Variants in CPNE4 observed in about 807,000 individuals in gnomAD.
The protein encoded by CPNE4 is copine 4, also known as copine-4.
In CPNE4, 25 loss-of-function variants were observed where a neutral mutation model predicts 67.9. The ratio of observed to expected loss-of-function variants is 0.37; its 90% CI spans 0.27 to 0.51. CPNE4 has a LOEUF of 0.51. CPNE4 is among the 20% of genes least tolerant of loss of function. The pLI is 0.93. For synonymous variants in CPNE4, 242 were observed against 244.9 expected (o/e 0.99, Z 0.11); for missense variants, 464 against 690.8 (o/e 0.67, Z 3.68).
At chr3:131,812,378 CAAAT>C (rs202083329) in intron 2 of CPNE4, among the ~76,000 whole-genome samples, 2,782 of 152,154 alleles carry the variant, frequency 0.018, 44 homozygotes, top group Non-Finnish European at 0.024. Context: ...AAGTCAAAGA[CAAAT>C]ATTTAGCACA....
At chr3:131,597,964 A>C (rs1938990093) in intron 7 of CPNE4, among the ~76,000 whole-genome samples, 1 of 152,206 alleles carries the variant, frequency 6.6e-6, no homozygotes, top group Non-Finnish European at 1.5e-5. Flanking sequence ...AGTCTATGAC[A>C]ATTCTCTGAG....
At chr3:131,791,366 A>G (rs1005817599) in intron 2 of CPNE4, among the ~76,000 whole-genome samples, 1 of 152,204 alleles carries the variant, frequency 6.6e-6, no homozygotes, top group Non-Finnish European at 1.5e-5. Context: ...TAGTCATCCA[A>G]CAACTGACAA....
At chr3:131,706,070 G>C (rs2107712960) in intron 3 of CPNE4, among the ~76,000 whole-genome samples, 1 of 152,236 alleles carries the variant, frequency 6.6e-6, no homozygotes, top group East Asian at 1.9e-4. Context: ...CATTTTGTCG[G>C]GTCAAGGGCA....
At chr3:131,547,823 G>T (rs1935956312) in intron 14 of CPNE4, among the ~76,000 whole-genome samples, 1 of 152,128 alleles carries the variant, frequency 6.6e-6, no homozygotes, top group South Asian at 2.1e-4. Flanking sequence ...GAGAGAACAT[G>T]CCCCACAGAT....
chr3:131,885,929 A>C (rs1378076684), intron 2 of CPNE4, among the ~76,000 whole-genome samples: 1 of 152,236 alleles, frequency 6.6e-6, no homozygotes, highest in East Asian at 1.9e-4. Context: ...AGTTTGAAAA[A>C]TTTGCAACCT....
chr3:131,838,604 C>T (rs1242297851), intron 2 of CPNE4, among the ~76,000 whole-genome samples: 3 of 82,134 alleles, frequency 3.7e-5, no homozygotes, highest in Admixed American at 1.6e-4. Flanking sequence ...TTAAAGTATT[C>T]CTTAAAGGCT....
chr3:131,613,208 T>C (rs768922843), intron 7 of CPNE4, among the ~76,000 whole-genome samples: 10 of 152,340 alleles, frequency 6.6e-5, no homozygotes, highest in Middle Eastern at 3.4e-3. Flanking sequence ...TAGTTGAGCT[T>C]CTTTTTCTTA....
At chr3:131,622,018 CAAAAAAA>C (rs34415771) in intron 7 of CPNE4, among the ~76,000 whole-genome samples, 2 of 58,038 alleles carry the variant, frequency 3.4e-5, no homozygotes, top group African/African-American at 5.3e-5. Context: ...GACCCTGTCT[CAAAAAAA>C]AAAAAAAAAA....
intron 1 of CPNE4, among the ~76,000 whole-genome samples, chr3:131,916,207 CA>C (rs1312834959): frequency 6.6e-6 from 1 of 151,904 alleles, no homozygotes; most frequent in Non-Finnish European, 1.5e-5. Flanking sequence ...CTAAATTTAC[CA>C]AGTAGAAAGA....
At chr3:131,777,080 C>A (rs1231073607) in intron 2 of CPNE4, among the ~76,000 whole-genome samples, 1 of 152,114 alleles carries the variant, frequency 6.6e-6, no homozygotes, top group Non-Finnish European at 1.5e-5. Flanking sequence ...TGGACTATAA[C>A]CCACACACAG....
At chr3:131,803,332 C>T (rs2084198285) in intron 2 of CPNE4, among the ~76,000 whole-genome samples, 1 of 152,196 alleles carries the variant, frequency 6.6e-6, no homozygotes, top group Non-Finnish European at 1.5e-5. Flanking sequence ...TAACTCTCTT[C>T]CCTTTCTCTG....
intron 2 of CPNE4, among the ~76,000 whole-genome samples, chr3:131,872,194 G>A (rs62280913): frequency 0.2 from 29,860 of 151,216 alleles, 3,549 homozygotes; most frequent in Non-Finnish European, 0.26. Flanking sequence ...GTGTGTGTGT[G>A]TAGAGAGAGA....
At chr3:131,706,511 C>T (rs1237957178) in intron 3 of CPNE4, among the ~76,000 whole-genome samples, 1 of 152,154 alleles carries the variant, frequency 6.6e-6, no homozygotes, top group African/African-American at 2.4e-5. Context: ...AGCCCCCTGA[C>T]CATCTGAATG....
At chr3:131,928,124 T>G (rs561160243) in intron 1 of CPNE4, among the ~76,000 whole-genome samples, 9 of 152,264 alleles carry the variant, frequency 5.9e-5, no homozygotes, top group Non-Finnish European at 1.2e-4. Context: ...AACATGCATA[T>G]ATTACTTTTA....
At chr3:131,671,299 T>G (rs1582995904) in intron 6 of CPNE4, among the ~76,000 whole-genome samples, 1 of 150,834 alleles carries the variant, frequency 6.6e-6, no homozygotes, top group African/African-American at 2.5e-5. Flanking sequence ...AGAAGGAGAA[T>G]TAGGTAAAAA....
chr3:131,573,749 G>C (rs995804731), intron 10 of CPNE4, among the ~76,000 whole-genome samples: 7 of 152,050 alleles, frequency 4.6e-5, no homozygotes, highest in Non-Finnish European at 1.0e-4. Context: ...GAGCCCACAG[G>C]ACAGCTAGAG....
At chr3:131,865,539 C>G (rs1041956386) in intron 2 of CPNE4, among the ~76,000 whole-genome samples, 1 of 152,052 alleles carries the variant, frequency 6.6e-6, no homozygotes. Flanking sequence ...ATAATCACCC[C>G]TATAAGGGAG....
At chr3:131,541,845 A>T (rs2107628891) in intron 15 of CPNE4, among the ~76,000 whole-genome samples, 1 of 151,798 alleles carries the variant, frequency 6.6e-6, no homozygotes, top group African/African-American at 2.4e-5. Flanking sequence ...TAATTTTTGT[A>T]TTTTTAGTAG....
At chr3:131,588,591 A>G (rs964418270) in intron 7 of CPNE4, among the ~76,000 whole-genome samples, 2 of 152,148 alleles carry the variant, frequency 1.3e-5, no homozygotes, top group African/African-American at 4.8e-5. Context: ...TGACTTGGTA[A>G]TCTGTTCCCA....
Sources: allele counts gnomAD v4.1 joint callset (sites outside exome capture counted in the v4.1 genomes callset), GRCh38; gene constraint gnomAD v4.1.1; transcripts MANE v1.5; gene names NCBI Gene and HGNC (gene_info 2026-07-23, HGNC 2026-07-21).